The following CACHD1 variants were observed in gnomAD, a reference collection of about 807,000 sequenced individuals.
The protein encoded by CACHD1 is VWFA and cache domain-containing protein 1.
In CACHD1, 71 loss-of-function variants were observed where a neutral mutation model predicts 138.7. That is an observed-to-expected ratio of 0.51 (90% CI 0.42 to 0.62). The LOEUF (loss-of-function observed/expected upper bound fraction) is 0.62. CACHD1 is among the 20% of genes least tolerant of loss of function. CACHD1 has a pLI of 0.00. For missense variants in CACHD1, 1,389 were observed against 1,625.3 expected, an observed-to-expected ratio of 0.85 and a Z score of 2.50; for synonymous variants, 578 against 591.5, an observed-to-expected ratio of 0.98 and a Z score of 0.33.
Position 64,664,666 on chromosome 1 carries a change from A to G in CACHD1, c.2263A>G (p.Thr755Ala), listed in dbSNP as rs761615569. The change falls in exon 15 of 27, where the codon ACT becomes GCT. Residue 755 changes from threonine to alanine, a missense_variant. By Grantham distance (58) the Thr-to-Ala change is moderately conservative. This residue lies in a region of CACHD1 where 1,000 missense variants were observed against 1,114.7 expected (regional missense o/e 0.90). Coordinates refer to ENST00000651257, the MANE Select transcript of CACHD1 (RefSeq NM_020925.4). ...GSLMDKAFDP[T>A]RRQWYLHAVA... ...CCTCATGGACAAAGCATTTGATCCC[A>G]CTAGGAGACAATGGTGAGTTTTAGG... 16 of 1,614,020 alleles carry G rather than the reference A, an allele frequency of 9.9e-6. No homozygotes were observed. Among genetic ancestry groups the G allele is most frequent in the African/African-American group, 9.3e-5 (7 of 74,944 alleles).
At chr1:64,685,215 T>A (rs1195057081) in intron 26 of CACHD1, among the ~76,000 whole-genome samples, 2 of 152,208 alleles carry the variant, frequency 1.3e-5, no homozygotes, top group East Asian at 3.9e-4. Context: ...TGTGTACAAT[T>A]GTGTTTTAGT....
chr1:64,541,209 TG>T (rs1646674588), intron 1 of CACHD1, among the ~76,000 whole-genome samples: 4 of 152,232 alleles, frequency 2.6e-5, no homozygotes, highest in Admixed American at 2.6e-4. Flanking sequence ...GGCTAGTGGA[TG>T]GATACACAAT....
chr1:64,663,173 C>T (rs1383990831), intron 13 of CACHD1, among the ~76,000 whole-genome samples: 10 of 152,054 alleles, frequency 6.6e-5, no homozygotes, highest in Non-Finnish European at 1.0e-4. Flanking sequence ...TTTCTACTCC[C>T]AGCACTTGTG....
chr1:64,625,799 A>C (rs1648081209), intron 4 of CACHD1, among the ~76,000 whole-genome samples: 1 of 152,158 alleles, frequency 6.6e-6, no homozygotes, highest in Non-Finnish European at 1.5e-5. Context: ...AAGTGTTCCT[A>C]AATGTCTATG....
chr1:64,676,424 A>C (rs893254190), intron 21 of CACHD1, among the ~76,000 whole-genome samples: 1 of 152,024 alleles, frequency 6.6e-6, no homozygotes, highest in Non-Finnish European at 1.5e-5. Context: ...ATTGTAATAA[A>C]CCCCTTCTCT....
chr1:64,521,116 G>C (rs9326061), intron 1 of CACHD1, among the ~76,000 whole-genome samples: 106,062 of 152,130 alleles, frequency 0.7, 41,260 homozygotes, highest in Non-Finnish European at 0.85. Flanking sequence ...TGGTACTTCA[G>C]TTCCCTTGTG....
chr1:64,545,412 A>G lies in CACHD1; in HGVS notation c.199-5182A>G, dbSNP rs773666819. On this transcript the variant is annotated intron_variant, in intron 1 of 26. Coordinates refer to ENST00000651257, the MANE Select transcript of CACHD1 (RefSeq NM_020925.4). ...AATAACCACTATCCTGACTTTTAACAGGCTAGATTAGTTTTGCCTGGTTTT... is the reference window on the plus strand; with the variant it reads ...AATAACCACTATCCTGACTTTTAACGGGCTAGATTAGTTTTGCCTGGTTTT... Among the ~76,000 whole-genome samples the G allele has an allele frequency of 3.1e-4, 47 of 152,214 alleles. 1 individual carries two copies. Among genetic ancestry groups the G allele is most frequent in the Admixed American group, 1.1e-3 (17 of 15,274 alleles).
chr1:64,564,984 T>C (rs1479615043), intron 2 of CACHD1, among the ~76,000 whole-genome samples: 1 of 151,402 alleles, frequency 6.6e-6, no homozygotes, highest in East Asian at 1.9e-4. Context: ...TACATATTTG[T>C]TGAATAATGA....
At chr1:64,612,733 G>A (rs1647578076) in intron 4 of CACHD1, among the ~76,000 whole-genome samples, 1 of 152,160 alleles carries the variant, frequency 6.6e-6, no homozygotes, top group African/African-American at 2.4e-5. Context: ...CCCATTGACA[G>A]TGCACCTGGT....
intron 4 of CACHD1, among the ~76,000 whole-genome samples, chr1:64,603,635 A>G (rs965578689): frequency 3.9e-5 from 6 of 152,188 alleles, no homozygotes; most frequent in South Asian, 2.1e-4. Flanking sequence ...GAGCTTTTCT[A>G]TTAATAAACT....
intron 1 of CACHD1, among the ~76,000 whole-genome samples, chr1:64,533,449 T>C (rs774183298): frequency 2.0e-5 from 3 of 152,192 alleles, no homozygotes; most frequent in Admixed American, 2.0e-4. Flanking sequence ...TTCATCCATA[T>C]GTATTTATAG....
At position 64,642,164 on chromosome 1, in the gene CACHD1, C is replaced by T. The variant is rs146266952; in HGVS notation, c.1156+195C>T. Among the ~76,000 whole-genome samples the T allele has an allele frequency of 5.1e-3, 774 of 152,298 alleles. 8 individuals are homozygous for T. The highest frequency in any genetic ancestry group is 0.018 in the African/African-American group (730 of 41,562). On this transcript the variant is annotated intron_variant, in intron 8 of 26. Transcript: ENST00000651257. ...GTTCCTTTCTCTTCATCTGTCTCTC[C>T]AGTGAACTGCTTGTTTCTAAACCTC...
chr1:64,596,287 C>T (rs202093254), intron 3 of CACHD1, among the ~76,000 whole-genome samples: 5 of 152,238 alleles, frequency 3.3e-5, no homozygotes, highest in Non-Finnish European at 5.9e-5. Flanking sequence ...GTTAAGTGGA[C>T]GATAAGGAGG....
chr1:64,481,240 AAC>A lies in CACHD1; in HGVS notation c.198+10300_198+10301del, dbSNP rs1394125628. Reference sequence around the variant, plus strand: ...AATGTCTTGGTTCTCTTCCAACCATAACAGTTATTATAAAGATGCAGTCAAAG... The same window carrying A: ...AATGTCTTGGTTCTCTTCCAACCATAAGTTATTATAAAGATGCAGTCAAAG... On this transcript the variant is annotated intron_variant, in intron 1 of 26. Coordinates refer to ENST00000651257, the MANE Select transcript of CACHD1 (RefSeq NM_020925.4). 2.0e-5 allele frequency among the ~76,000 whole-genome samples: 3 copies of A among 152,266 alleles called. No homozygotes were observed. In the East Asian group the frequency reaches 5.8e-4, roughly 29 times the overall value.
At chr1:64,602,599 T>G (rs1570406879) in intron 3 of CACHD1, among the ~76,000 whole-genome samples, 1 of 152,152 alleles carries the variant, frequency 6.6e-6, no homozygotes, top group Non-Finnish European at 1.5e-5. Context: ...TATCTTTGAA[T>G]TGAATTTGAT....
chr1:64,582,604 T>C (rs1557504956), intron 3 of CACHD1, among the ~76,000 whole-genome samples: 1 of 152,222 alleles, frequency 6.6e-6, no homozygotes, highest in Non-Finnish European at 1.5e-5. Flanking sequence ...TTGGAAATGC[T>C]TTGTCATGAG....
intron 1 of CACHD1, among the ~76,000 whole-genome samples, chr1:64,534,647 G>T (rs1250363143): frequency 6.6e-6 from 1 of 152,346 alleles, no homozygotes; most frequent in East Asian, 1.9e-4. Flanking sequence ...TGCACTCTGA[G>T]CAATTCAAGG....
chr1:64,678,402 C>A, intron 23 of CACHD1, 92 bp downstream of exon 23: 4 of 1,265,488 alleles, frequency 3.2e-6, no homozygotes, highest in Non-Finnish European at 4.2e-6. Context: ...CTCTTCCCAA[C>A]TTCCCTGATT....
At chr1:64,677,216 G>A (rs1226171276) in intron 22 of CACHD1, among the ~76,000 whole-genome samples, 2 of 152,076 alleles carry the variant, frequency 1.3e-5, no homozygotes, top group African/African-American at 4.8e-5. Flanking sequence ...TCTGTGAATG[G>A]GAGTTTTTCT....
Sources: allele counts gnomAD v4.1 joint callset (sites outside exome capture counted in the v4.1 genomes callset), GRCh38; gene constraint gnomAD v4.1.1; regional missense constraint gnomAD v4.1.1; transcripts MANE v1.5; gene names NCBI Gene and HGNC (gene_info 2026-07-23, HGNC 2026-07-21).